ATRNL1: variants seen among roughly 807,000 people sequenced by gnomAD.
ATRNL1 encodes the protein attractin-like protein 1.
Under a neutral mutation model 182.7 loss-of-function variants are expected in ATRNL1, and 95 were observed. That is an observed-to-expected ratio of 0.52 (90% confidence interval 0.44 to 0.62). The LOEUF (loss-of-function observed/expected upper bound fraction) is 0.62, where lower values mean the gene tolerates loss of function less well. Among genes scored for constraint, ATRNL1 ranks in the 20% least tolerant of loss-of-function variants. The probability of loss-of-function intolerance (pLI) is 0.00; values close to 1 mark genes in which losing one functional copy is unlikely to be tolerated. For synonymous variants in ATRNL1, 576 were observed against 568.3 expected (o/e 1.01, Z -0.19); for missense variants, 1,471 against 1,679.5 (o/e 0.88, Z 2.17).
chr10:115,439,523 G>C (rs957094223), intron 21 of ATRNL1, among the ~76,000 whole-genome samples: 9 of 151,706 alleles, frequency 5.9e-5, no homozygotes, highest in African/African-American at 1.9e-4. Flanking sequence ...TTGCTAAATT[G>C]TACTAGTTTT....
chr10:115,883,640 C>T (rs1057164330), intron 28 of ATRNL1, among the ~76,000 whole-genome samples: 1 of 152,212 alleles, frequency 6.6e-6, no homozygotes, highest in Non-Finnish European at 1.5e-5. Flanking sequence ...AGGGTGTGAA[C>T]TATATGGTTT....
At chr10:115,230,550 T>C (rs951374440) in intron 9 of ATRNL1, among the ~76,000 whole-genome samples, 1 of 152,126 alleles carries the variant, frequency 6.6e-6, no homozygotes. Context: ...AACCCAGTCA[T>C]GTAGGGCCTT....
chr10:115,673,602 A>G (rs782094523), intron 26 of ATRNL1, among the ~76,000 whole-genome samples: 1 of 152,104 alleles, frequency 6.6e-6, no homozygotes, highest in Non-Finnish European at 1.5e-5. Context: ...AACTATATGC[A>G]ACCAAACACT....
At chr10:115,138,945 T>C (rs11197079) in intron 5 of ATRNL1, among the ~76,000 whole-genome samples, 1,725 of 152,326 alleles carry the variant, frequency 0.011, 32 homozygotes, top group East Asian at 0.088. Flanking sequence ...AGTCATATCT[T>C]GAATGCTTTG....
At chr10:115,863,600 T>G (rs965530006) in intron 28 of ATRNL1, among the ~76,000 whole-genome samples, 1 of 152,200 alleles carries the variant, frequency 6.6e-6, no homozygotes, top group Non-Finnish European at 1.5e-5. Flanking sequence ...GAGGGATCAG[T>G]ATGAGTTTAT....
At chr10:115,384,375 A>T (rs1207020370) in intron 19 of ATRNL1, among the ~76,000 whole-genome samples, 2 of 151,820 alleles carry the variant, frequency 1.3e-5, no homozygotes, top group Non-Finnish European at 2.9e-5. Context: ...CCTCCCCATC[A>T]CTTCCTCACC....
At position 115,241,675 on chromosome 10, in the gene ATRNL1, T is replaced by C; in HGVS notation, c.1637T>C (p.Leu546Ser). The C allele has an allele frequency of 6.2e-7, 1 of 1,611,832 alleles. No individual in the cohort carries two copies. The highest frequency in any genetic ancestry group is 8.5e-7 in the Non-Finnish European group (1 of 1,178,478). ...FGGNTHNDTS[L>S]SNGAKCFSAD... is the part of the protein sequence containing the mutation. ...GGAAATACCCATAATGACACTTCCT[T>C]GAGTAACGGTGCAAAATGTTTTTCT... The change falls in exon 10 of 29, where the codon TTG (leucine) becomes TCG (serine). Residue 546 changes from leucine to serine, a missense_variant. Leu to Ser is a moderately radical substitution (Grantham distance 145). Coordinates refer to ENST00000355044, the MANE Select transcript of ATRNL1 (RefSeq NM_207303.4).
At chr10:115,689,192 G>C (rs781926718) in intron 26 of ATRNL1, among the ~76,000 whole-genome samples, 1 of 152,046 alleles carries the variant, frequency 6.6e-6, no homozygotes, top group Non-Finnish European at 1.5e-5. Flanking sequence ...ATGCTGCCTT[G>C]TTTACCATAA....
At chr10:115,316,352 C>G (rs1352466751) in intron 18 of ATRNL1, among the ~76,000 whole-genome samples, 1 of 152,156 alleles carries the variant, frequency 6.6e-6, no homozygotes, top group Non-Finnish European at 1.5e-5. Context: ...TATATCCAGT[C>G]TATCATTAAT....
rs564337707 is a variant in ATRNL1, at chr10:115,533,669, T to C, written c.3716+14345T>C. ...AGGTTTTGAATGTGTTTGCTCTTGC[T>C]TTTCTAGTTCTTTTAATTGTGATGT... On this transcript the variant is annotated intron_variant, in intron 25 of 28. Transcript: ENST00000355044. Among the ~76,000 whole-genome samples, 39 of 151,926 alleles carry C rather than the reference T, an allele frequency of 2.6e-4. 1 individual carries two copies. In the South Asian group the frequency reaches 7.9e-3, roughly 31 times the overall value.
chr10:115,754,371 A>G (rs1486623993), intron 27 of ATRNL1, among the ~76,000 whole-genome samples: 1 of 152,174 alleles, frequency 6.6e-6, no homozygotes, highest in African/African-American at 2.4e-5. Flanking sequence ...GAAGGGATCC[A>G]GTTTCAGCTT....
rs140181923 is a variant in ATRNL1 at position 115,139,181 on chromosome 10, C to T, written c.829+9646C>T. ...TATCAGCATTTTTGTCAAAGTCATT[C>T]GACAAGTCTCTAGGGAGTCCACACT... On this transcript the variant is annotated intron_variant, in intron 5 of 28. Transcript: ENST00000355044. Among the ~76,000 whole-genome samples the T allele has an allele frequency of 5.9e-5, 9 of 152,302 alleles. No homozygotes were observed. The East Asian group carries it at 7.7e-4, about 13-fold the overall frequency.
intron 8 of ATRNL1, among the ~76,000 whole-genome samples, chr10:115,200,114 A>T (rs568095248): frequency 6.6e-6 from 1 of 152,180 alleles, no homozygotes; most frequent in African/African-American, 2.4e-5. Context: ...ACAAAGAACA[A>T]ATACAGTTCA....
chr10:115,399,427 C>CT (rs568871894), intron 20 of ATRNL1, among the ~76,000 whole-genome samples: 1 of 151,786 alleles, frequency 6.6e-6, no homozygotes, highest in African/African-American at 2.4e-5. Context: ...GAAATTTATC[C>CT]TTTTTTTATT....
chr10:115,386,095 C>T lies in ATRNL1; in HGVS notation c.3176-8564C>T, dbSNP rs561572341. Among the ~76,000 whole-genome samples, 13 of 151,904 alleles carry T rather than the reference C, an allele frequency of 8.6e-5. 1 individual carries two copies. In the South Asian group the frequency reaches 2.5e-3, roughly 29 times the overall value. On this transcript the variant is annotated intron_variant, in intron 19 of 28. Coordinates refer to ENST00000355044, the MANE Select transcript of ATRNL1 (RefSeq NM_207303.4). ...GCTTGCAAGTCTCTACAAAAATAGCCGGCTGGAATTGTATTGAAATTTTAT... is the reference window on the plus strand; with the variant it reads ...GCTTGCAAGTCTCTACAAAAATAGCTGGCTGGAATTGTATTGAAATTTTAT...
chr10:115,921,623 CTTT>C, intron 28 of ATRNL1, among the ~76,000 whole-genome samples: 1 of 152,152 alleles, frequency 6.6e-6, no homozygotes, highest in African/African-American at 2.4e-5. Flanking sequence ...AGCTCTTCTT[CTTT>C]GTTAGGGCTT....
intron 26 of ATRNL1, among the ~76,000 whole-genome samples, chr10:115,658,973 G>A (rs904754690): frequency 2.0e-5 from 3 of 152,120 alleles, no homozygotes; most frequent in African/African-American, 7.2e-5. Flanking sequence ...CATGGGGGAA[G>A]CCCCTTATAA....
chr10:115,580,284 A>G (rs1486063216), intron 26 of ATRNL1, among the ~76,000 whole-genome samples: 1 of 152,122 alleles, frequency 6.6e-6, no homozygotes, highest in African/African-American at 2.4e-5. Flanking sequence ...CTCATAAGAA[A>G]TGTCTAGTGG....
intron 8 of ATRNL1, among the ~76,000 whole-genome samples, chr10:115,204,068 A>G (rs1264770): frequency 0.73 from 110,281 of 151,834 alleles, 41,208 homozygotes; most frequent in African/African-American, 0.84. Flanking sequence ...AATGTTGTAA[A>G]GGGATCTTTT....
Sources: gnomAD v4.1 joint callset for allele counts (sites outside exome capture counted in the v4.1 genomes callset) on GRCh38, gnomAD v4.1.1 for gene constraint, MANE v1.5 for transcripts, NCBI Gene and HGNC (gene_info 2026-07-23, HGNC 2026-07-21) for gene names.